EEFSEC: variants seen among roughly 807,000 people sequenced by gnomAD.
EEFSEC encodes eukaryotic elongation factor, selenocysteine-tRNA specific.
EEFSEC carries 43 observed loss-of-function variants against 42.1 expected under a neutral mutation model. The observed-to-expected ratio is 1.02, with a 90% confidence interval of 0.80 to 1.32. The LOEUF (loss-of-function observed/expected upper bound fraction) is 1.32, where lower values mean the gene tolerates loss of function less well. EEFSEC is among the 40% of genes most tolerant of loss of function. The pLI, the probability that EEFSEC is intolerant of heterozygous loss-of-function variation, is 0.00. For synonymous variants in EEFSEC, 354 were observed against 339.1 expected (o/e 1.04, Z -0.48); for missense variants, 745 against 803.6 (o/e 0.93, Z 0.88).
At chr3:128,201,117 T>G (rs2065638976) in intron 1 of EEFSEC, among the ~76,000 whole-genome samples, 1 of 152,218 alleles carries the variant, frequency 6.6e-6, no homozygotes, top group Non-Finnish European at 1.5e-5. Context: ...TAAGTAATAT[T>G]AGCCTTGAAA....
chr3:128,357,357 G>C (rs541286919), intron 5 of EEFSEC, among the ~76,000 whole-genome samples: 1 of 152,276 alleles, frequency 6.6e-6, no homozygotes, highest in South Asian at 2.1e-4. Context: ...TCACAGACAT[G>C]TGTGTCCCTC....
Position 128,368,719 on chromosome 3 carries a change from A to G in EEFSEC, c.1600+10346A>G, listed in dbSNP as rs567294919. On this transcript the variant is annotated intron_variant, in intron 6 of 6. Transcript: ENST00000254730. ...TTCATCTGATAAAATGGGGGTAACA[A>G]TCCTGTCTTGAAGGACTGTGAGGAG... is the stretch of plus-strand genomic sequence containing the variant. Among the ~76,000 whole-genome samples, 3 of 152,336 alleles carry G rather than the reference A, an allele frequency of 2.0e-5. No homozygotes were observed. In the East Asian group the frequency reaches 5.8e-4, roughly 29 times the overall value.
intron 1 of EEFSEC, among the ~76,000 whole-genome samples, chr3:128,221,537 A>C (rs924387847): frequency 6.6e-6 from 1 of 152,232 alleles, no homozygotes; most frequent in Non-Finnish European, 1.5e-5. Flanking sequence ...GGAAATCCTC[A>C]GCCAAGAAAT....
the EEFSEC span, among the ~76,000 whole-genome samples, chr3:128,416,301 A>G: frequency 6.6e-6 from 1 of 152,010 alleles, no homozygotes; most frequent in East Asian, 1.9e-4. Flanking sequence ...CTGCCGACAC[A>G]GTGCAGCAGG....
At chr3:128,292,779 T>A (rs959469776) in intron 4 of EEFSEC, among the ~76,000 whole-genome samples, 1 of 152,020 alleles carries the variant, frequency 6.6e-6, no homozygotes, top group African/African-American at 2.4e-5. Flanking sequence ...TTTTTTCTTT[T>A]GTTTCTTGTT....
At position 128,205,901 on chromosome 3, in the gene EEFSEC, G is replaced by A. The variant is rs1006276748; in HGVS notation, c.317-40935G>A. Among the ~76,000 whole-genome samples the A allele has an allele frequency of 3.9e-5, 6 of 151,978 alleles. 1 individual carries two copies. Among genetic ancestry groups the A allele is most frequent in the African/African-American group, 1.4e-4 (6 of 41,498 alleles). Reference sequence around the variant, plus strand: ...TATATGCCTTTAAAAAACTATTCTTGTAAAGAATTATTGACAGTACAGCAT... The same window carrying A: ...TATATGCCTTTAAAAAACTATTCTTATAAAGAATTATTGACAGTACAGCAT... On this transcript the variant is annotated intron_variant, in intron 1 of 6. Transcript: ENST00000254730.
In EEFSEC at chr3:128,214,573, A is replaced by T. The variant is rs372493484; in HGVS notation, c.317-32263A>T. On this transcript the variant is annotated intron_variant, in intron 1 of 6. Transcript: ENST00000254730. Reference sequence around the variant, plus strand: ...TGAGATCAAAAAATTCAGTTTTCTTAGTTATATAAAATGAGGTGGCTAAAT... The same window carrying T: ...TGAGATCAAAAAATTCAGTTTTCTTTGTTATATAAAATGAGGTGGCTAAAT... Among the ~76,000 whole-genome samples, 6 of 152,240 alleles carry T rather than the reference A, an allele frequency of 3.9e-5. No individual in the cohort carries two copies. The East Asian group carries it at 9.6e-4, about 24-fold the overall frequency.
At chr3:128,239,858 C>A (rs2066052105) in intron 1 of EEFSEC, among the ~76,000 whole-genome samples, 1 of 152,246 alleles carries the variant, frequency 6.6e-6, no homozygotes, top group Non-Finnish European at 1.5e-5. Flanking sequence ...CTGGAGCCTT[C>A]TCCTGTGACT....
rs72977348 is a variant in EEFSEC at position 128,374,443 on chromosome 3, A to G, written c.1600+16070A>G. Among the ~76,000 whole-genome samples the G allele has an allele frequency of 9.1e-4, 139 of 152,242 alleles. 1 individual carries two copies. The highest frequency in any genetic ancestry group is 3.2e-3 in the African/African-American group (135 of 41,542). The stretch of plus-strand genomic sequence containing the variant: ...TCATCCTGGAGCTTTTCTCACCATC[A>G]ACCTTTGAGTGTGGGCCATTCAGTC... On this transcript the variant is annotated intron_variant, in intron 6 of 6. Transcript: ENST00000254730.
At chr3:128,195,882 G>A (rs1431064587) in intron 1 of EEFSEC, among the ~76,000 whole-genome samples, 2 of 152,178 alleles carry the variant, frequency 1.3e-5, no homozygotes, top group Non-Finnish European at 2.9e-5. Flanking sequence ...CAAACAGAAC[G>A]CATATAACTA....
chr3:128,205,923 G>A (rs183036858), intron 1 of EEFSEC, among the ~76,000 whole-genome samples: 6 of 152,326 alleles, frequency 3.9e-5, no homozygotes, highest in African/African-American at 1.4e-4. Flanking sequence ...TGACAGTACA[G>A]CATTTTGGGA....
intron 1 of EEFSEC, among the ~76,000 whole-genome samples, chr3:128,213,946 G>A (rs1334804486): frequency 6.6e-6 from 1 of 152,136 alleles, no homozygotes; most frequent in Non-Finnish European, 1.5e-5. Context: ...AGCAGGTGAT[G>A]CTTCTAGATT....
intron 1 of EEFSEC, among the ~76,000 whole-genome samples, chr3:128,219,733 T>G (rs2065844314): frequency 6.6e-6 from 1 of 151,430 alleles, no homozygotes; most frequent in Admixed American, 6.6e-5. Flanking sequence ...GTTAAATGGC[T>G]GCATTCCCTT....
chr3:128,293,020 G>A (rs2066660426), intron 4 of EEFSEC, among the ~76,000 whole-genome samples: 1 of 152,068 alleles, frequency 6.6e-6, no homozygotes, highest in African/African-American at 2.4e-5. Flanking sequence ...AATTTTTACA[G>A]AATTTCTCCT....
At chr3:128,205,197 A>G (rs1261553207) in intron 1 of EEFSEC, among the ~76,000 whole-genome samples, 1 of 152,194 alleles carries the variant, frequency 6.6e-6, no homozygotes, top group East Asian at 1.9e-4. Context: ...GTTCATTTGT[A>G]TGCTCACTCA....
At chr3:128,181,152 G>T (rs1175736834) in intron 1 of EEFSEC, among the ~76,000 whole-genome samples, 1 of 152,170 alleles carries the variant, frequency 6.6e-6, no homozygotes, top group Non-Finnish European at 1.5e-5. Context: ...GGCGTGAGTG[G>T]GTGTGTGGCT....
intron 1 of EEFSEC, among the ~76,000 whole-genome samples, chr3:128,167,701 C>G (rs2065255206): frequency 6.6e-6 from 1 of 152,190 alleles, no homozygotes; most frequent in African/African-American, 2.4e-5. Flanking sequence ...GCCCAGCGGC[C>G]CTGTTGTTTT....
At chr3:128,282,595 G>A (rs184632438) in intron 4 of EEFSEC, among the ~76,000 whole-genome samples, 24 of 152,332 alleles carry the variant, frequency 1.6e-4, no homozygotes, top group African/African-American at 5.5e-4. Flanking sequence ...GCATCTCATC[G>A]TGAGCCCTAG....
At chr3:128,314,118 T>C (rs952317460) in intron 4 of EEFSEC, among the ~76,000 whole-genome samples, 4 of 152,212 alleles carry the variant, frequency 2.6e-5, no homozygotes, top group Non-Finnish European at 4.4e-5. Flanking sequence ...CTCCCTCTCA[T>C]TGAGGCATAG....
Sources: allele counts gnomAD v4.1 joint callset (sites outside exome capture counted in the v4.1 genomes callset), GRCh38; gene constraint gnomAD v4.1.1; transcripts MANE v1.5; gene names NCBI Gene and HGNC (gene_info 2026-07-23, HGNC 2026-07-21).